The following DLG1 variants were observed in gnomAD, a reference collection of about 807,000 sequenced individuals.
DLG1 encodes disks large homolog 1.
A neutral mutation model predicts 123.4 loss-of-function variants in DLG1; 42 were observed. The observed-to-expected ratio is 0.34, with a 90% CI of 0.27 to 0.44. DLG1 has a LOEUF of 0.44. Among genes scored for constraint, DLG1 ranks in the 20% least tolerant of loss-of-function variants. The probability of loss-of-function intolerance (pLI) is 1.00; values close to 1 mark genes in which losing one functional copy is unlikely to be tolerated. For missense variants in DLG1, 942 were observed against 1,082.6 expected, an observed-to-expected ratio of 0.87 and a Z score of 1.82; for synonymous variants, 317 against 356.2, an observed-to-expected ratio of 0.89 and a Z score of 1.24.
chr3:197,182,610 A>G (rs1300182717), intron 5 of DLG1, among the ~76,000 whole-genome samples: 1 of 152,112 alleles, frequency 6.6e-6, no homozygotes, highest in East Asian at 1.9e-4. Flanking sequence ...GCTTTAAGGG[A>G]ATTTATTTTA....
chr3:197,057,880 A>G (rs1484215335), intron 23 of DLG1, among the ~76,000 whole-genome samples: 2 of 151,424 alleles, frequency 1.3e-5, no homozygotes, highest in Admixed American at 6.6e-5. Flanking sequence ...CAAAGAGAAC[A>G]CTTTTGGCTT....
intron 10 of DLG1, among the ~76,000 whole-genome samples, chr3:197,133,302 T>C (rs1177835242): frequency 1.3e-5 from 2 of 152,194 alleles, no homozygotes; most frequent in East Asian, 1.9e-4. Flanking sequence ...AAGAGACCAC[T>C]GGATAATTAA....
At chr3:197,295,892 G>A (rs1777158384) in intron 3 of DLG1, among the ~76,000 whole-genome samples, 1 of 152,276 alleles carries the variant, frequency 6.6e-6, no homozygotes, top group East Asian at 1.9e-4. Context: ...TCATCTCTAA[G>A]ATTATTTTCC....
intron 13 of DLG1, among the ~76,000 whole-genome samples, chr3:197,115,703 A>G (rs569921349): frequency 2.0e-5 from 3 of 152,310 alleles, no homozygotes; most frequent in African/African-American, 7.2e-5. Flanking sequence ...TAGAGAACAC[A>G]TAATTTCTTC....
At chr3:197,233,425 C>T (rs113482379) in intron 4 of DLG1, among the ~76,000 whole-genome samples, 3 of 152,324 alleles carry the variant, frequency 2.0e-5, no homozygotes, top group African/African-American at 7.2e-5. Flanking sequence ...CTAGCTCCAT[C>T]GCCCAGGCTG....
chr3:197,075,039 C>T lies in DLG1; in HGVS notation c.2005+1547G>A, dbSNP rs549268403. Among the ~76,000 whole-genome samples the T allele has an allele frequency of 2.4e-4, 36 of 152,020 alleles. No homozygotes were observed. In the East Asian group the frequency reaches 6.6e-3, roughly 28 times the overall value. ...TATCACTCACTGTCACCTAAAGTTA[C>T]TCAGTAATGTTTGGTAAATTTTCAG... is the stretch of plus-strand genomic sequence containing the variant. On this transcript the variant is annotated intron_variant, in intron 18 of 24. Coordinates refer to ENST00000667157, the MANE Select transcript of DLG1 (RefSeq NM_001366207.1).
intron 14 of DLG1, among the ~76,000 whole-genome samples, chr3:197,091,474 CA>C (rs1264129164): frequency 6.6e-6 from 1 of 151,786 alleles, no homozygotes; most frequent in Non-Finnish European, 1.5e-5. Flanking sequence ...TTACATACTT[CA>C]ATATGGAACT....
chr3:197,258,112 G>C (rs1757652491), intron 4 of DLG1, among the ~76,000 whole-genome samples: 1 of 152,158 alleles, frequency 6.6e-6, no homozygotes, highest in Admixed American at 6.5e-5. Context: ...ATGCTCACTA[G>C]CATCTTTTTG....
intron 4 of DLG1, among the ~76,000 whole-genome samples, chr3:197,276,271 T>TA (rs1379589633): frequency 2.0e-5 from 3 of 152,248 alleles, no homozygotes; most frequent in Non-Finnish European, 4.4e-5. Context: ...TTCTACTAAT[T>TA]AAGGCTGCAG....
chr3:197,147,624 G>C (rs956054233), intron 6 of DLG1, among the ~76,000 whole-genome samples: 2 of 152,112 alleles, frequency 1.3e-5, no homozygotes, highest in Non-Finnish European at 2.9e-5. Flanking sequence ...TAAGCTATGA[G>C]GATGCAAAGG....
chr3:197,051,477 T>A, intron 24 of DLG1, 100 bp downstream of exon 24: 1 of 859,160 alleles, frequency 1.2e-6, no homozygotes, highest in Non-Finnish European at 1.9e-6. Flanking sequence ...TTACTACGGG[T>A]AGATGTAGGC....
chr3:197,136,700 A>G, intron 9 of DLG1, 22 bp from the exon 10 acceptor site: 1 of 1,584,576 alleles, frequency 6.3e-7, no homozygotes, highest in Non-Finnish European at 8.6e-7. Context: ...ACAGTTCTAG[A>G]TTCTCATCCA....
chr3:197,180,277 T>C (rs148010971), intron 5 of DLG1, among the ~76,000 whole-genome samples: 1 of 152,250 alleles, frequency 6.6e-6, no homozygotes, highest in African/African-American at 2.4e-5. Context: ...TCAAGTAAAG[T>C]CTAGCAGCAC....
chr3:197,267,866 G>A (rs991727626), intron 4 of DLG1, among the ~76,000 whole-genome samples: 2 of 151,944 alleles, frequency 1.3e-5, no homozygotes, highest in African/African-American at 4.8e-5. Flanking sequence ...TTTTTCTAAT[G>A]GAATCTTTGA....
In DLG1 at chr3:197,211,038, T is replaced by C. The variant is rs1457946579; in HGVS notation, c.319-16449A>G. 2.1e-5 allele frequency among the ~76,000 whole-genome samples: 3 copies of C among 143,954 alleles called. 1 individual carries two copies. The highest frequency in any genetic ancestry group is 4.7e-5 in the Non-Finnish European group (3 of 63,978). 94.4% of individuals were successfully genotyped at this position (143,954 alleles called of 152,430 possible). A position where few individuals can be genotyped will look rare whatever the true frequency, so the allele number is the denominator to read the frequency against. On this transcript the variant is annotated intron_variant, in intron 4 of 24. Coordinates refer to ENST00000667157, the MANE Select transcript of DLG1 (RefSeq NM_001366207.1). ...ACATCTAAAAAATAAATTAATGTAATTCTCTATATTTAACAGAATGAAGGA... is the reference window on the plus strand; with the variant it reads ...ACATCTAAAAAATAAATTAATGTAACTCTCTATATTTAACAGAATGAAGGA...
At chr3:197,148,716 A>T (rs1792377510) in intron 6 of DLG1, among the ~76,000 whole-genome samples, 2 of 152,018 alleles carry the variant, frequency 1.3e-5, no homozygotes, top group South Asian at 2.1e-4. Flanking sequence ...AAACCATAAA[A>T]CTCTTAGAAG....
intron 13 of DLG1, among the ~76,000 whole-genome samples, chr3:197,113,787 A>C (rs1771488568): frequency 2.6e-5 from 4 of 152,182 alleles, no homozygotes; most frequent in Non-Finnish European, 4.4e-5. Context: ...GATATAGTTA[A>C]GATACAGTTA....
chr3:197,261,371 G>C (rs1011798842), intron 4 of DLG1, among the ~76,000 whole-genome samples: 1 of 152,254 alleles, frequency 6.6e-6, no homozygotes, highest in African/African-American at 2.4e-5. Context: ...GAGCCCAGGA[G>C]TTTGAGGATG....
intron 23 of DLG1, among the ~76,000 whole-genome samples, chr3:197,059,518 T>C (rs980985292): frequency 2.0e-4 from 30 of 152,238 alleles, no homozygotes; most frequent in African/African-American, 7.0e-4. Flanking sequence ...TATTTGTTCT[T>C]TCTTAATTTT....
Sources: allele counts gnomAD v4.1 joint callset (sites outside exome capture counted in the v4.1 genomes callset), GRCh38; gene constraint gnomAD v4.1.1; transcripts MANE v1.5; gene names NCBI Gene and HGNC (gene_info 2026-07-23, HGNC 2026-07-21).